ZNF831: variants seen among roughly 807,000 people sequenced by gnomAD.
ZNF831 encodes the protein zinc finger protein 831.
A neutral mutation model predicts 95.8 loss-of-function variants in ZNF831; 59 were observed. The observed-to-expected ratio is 0.62, with a 90% CI of 0.50 to 0.77. The LOEUF is 0.77. Ranked by LOEUF, ZNF831 falls within the 30% of genes least tolerant of loss-of-function variation. The probability of loss-of-function intolerance (pLI) is 0.00; values close to 1 mark genes in which losing one functional copy is unlikely to be tolerated. For synonymous variants in ZNF831, 961 were observed against 925.5 expected (o/e 1.04, Z -0.70); for missense variants, 2,205 against 2,164.0 (o/e 1.02, Z -0.38).
intron 1 of ZNF831, among the ~76,000 whole-genome samples, chr20:59,140,190 T>C (rs1487655346): frequency 6.6e-6 from 1 of 152,230 alleles, no homozygotes; most frequent in Non-Finnish European, 1.5e-5. Context: ...AGACTGCCCT[T>C]ATCACAAAGA....
At chr20:59,185,951 A>C (rs1237472950) in intron 1 of ZNF831, among the ~76,000 whole-genome samples, 1 of 152,174 alleles carries the variant, frequency 6.6e-6, no homozygotes, top group Admixed American at 6.5e-5. Context: ...CCGACTCAGC[A>C]TTTAAGAGCC....
intron 1 of ZNF831, among the ~76,000 whole-genome samples, chr20:59,183,399 T>G (rs1486753707): frequency 6.6e-6 from 1 of 152,184 alleles, no homozygotes; most frequent in Non-Finnish European, 1.5e-5. Flanking sequence ...GTTAGGCAGG[T>G]GCTTTTCAAA....
chr20:59,249,331 G>T (rs922018199), intron 4 of ZNF831, among the ~76,000 whole-genome samples: 4 of 151,952 alleles, frequency 2.6e-5, no homozygotes, highest in Non-Finnish European at 5.9e-5. Context: ...GTCTGGAATA[G>T]CCTCCTGTTA....
At chr20:59,250,680 G>T (rs1375777659) in intron 4 of ZNF831, among the ~76,000 whole-genome samples, 1 of 152,120 alleles carries the variant, frequency 6.6e-6, no homozygotes, top group East Asian at 1.9e-4. Flanking sequence ...ATTGCCGGGG[G>T]TAAAAGAGAG....
rs977322461 is a variant in ZNF831 at position 59,227,095 on chromosome 20, A to G, written c.4027+20039A>G. Among the ~76,000 whole-genome samples, 6 of 152,324 alleles carry G rather than the reference A, an allele frequency of 3.9e-5. No homozygotes were observed. The South Asian group carries it at 1.2e-3, about 32-fold the overall frequency. ...TATAATTGTATCCCAAATGCTCAAG[A>G]ATAATGACTAAATTTGTGTTAAAGG... On this transcript the variant is annotated intron_variant, in intron 4 of 5. Transcript: ENST00000371030.
chr20:59,233,744 C>T (rs555597514), intron 4 of ZNF831, among the ~76,000 whole-genome samples: 2 of 152,208 alleles, frequency 1.3e-5, no homozygotes, highest in African/African-American at 4.8e-5. Flanking sequence ...CTGCTTTATC[C>T]CAAACACATG....
chr20:59,157,406 G>C (rs1284430575), intron 2 of ZNF831, among the ~76,000 whole-genome samples: 1 of 152,222 alleles, frequency 6.6e-6, no homozygotes, highest in East Asian at 1.9e-4. Context: ...GCTGTGGATG[G>C]GATTCTGAAC....
rs369221793 is a variant in ZNF831 at position 59,255,875 on chromosome 20, C to T, written c.*1132C>T. 2.0e-5 allele frequency: 3 copies of T among 152,260 alleles called. No individual in the cohort carries two copies. The highest frequency in any genetic ancestry group is 3.9e-4 in the East Asian group (2 of 5,180). The allele number at this position is 152,260 out of a possible 1,614,324, so 9.4% of individuals were successfully genotyped here. On this transcript the variant is annotated 3_prime_UTR_variant, in exon 6 of 6. Coordinates refer to ENST00000371030, the MANE Select transcript of ZNF831 (RefSeq NM_178457.3). The stretch of plus-strand genomic sequence containing the variant: ...GAGAAAATTCCCCAGTATTCCAAGC[C>T]GGTGCGCCCCTGTGCAGAAGAAAAC...
chr20:59,161,386 T>A (rs1980854338), upstream of ZNF831, among the ~76,000 whole-genome samples: 1 of 152,130 alleles, frequency 6.6e-6, no homozygotes, highest in Non-Finnish European at 1.5e-5. Context: ...CAAGCTATTA[T>A]CCTGCCTCAG....
In ZNF831 at chr20:59,258,277, C is replaced by G. The variant is rs1988270732; in HGVS notation, c.*3534C>G. The G allele has an allele frequency of 6.6e-6, 1 of 152,556 alleles. No individual in the cohort carries two copies. The highest frequency in any genetic ancestry group is 1.5e-5 in the Non-Finnish European group (1 of 68,032). The allele number at this position is 152,556 out of a possible 1,614,324, so 9.5% of individuals were successfully genotyped here. On this transcript the variant is annotated 3_prime_UTR_variant, in exon 6 of 6. Transcript: ENST00000371030. ...AAGACAGACTTTTTCTTCCTGAAAT[C>G]ACTCTTCTAAAGCTGAGACCGGAAG...
intron 1 of ZNF831, among the ~76,000 whole-genome samples, chr20:59,167,285 G>GT (rs982899973): frequency 6.6e-6 from 1 of 150,794 alleles, no homozygotes; most frequent in African/African-American, 2.4e-5. Context: ...ATTGTTGTTG[G>GT]TTTTTTTTTA....
chr20:59,191,138 T>C lies in ZNF831; in HGVS notation c.119T>C (p.Val40Ala), dbSNP rs750788968. The C allele has an allele frequency of 1.6e-5, 26 of 1,600,398 alleles. No homozygotes were observed. The highest frequency in any genetic ancestry group is 2.2e-5 in the Non-Finnish European group (26 of 1,177,856). Reference protein sequence around the residue: ...QASPHLTLGPVLLPPEQGLAP... With the variant: ...QASPHLTLGPALLPPEQGLAP... The stretch of plus-strand genomic sequence containing the variant: ...TCACCTCACCTGACCCTGGGCCCTG[T>C]CCTTCTGCCGCCAGAGCAGGGCCTG... The change falls in exon 2 of 6, where the codon GTC becomes GCC. Residue 40 changes from valine (V) to alanine (A), a missense_variant. By Grantham distance (64) the Val-to-Ala change is moderately conservative. Transcript: ENST00000371030.
At chr20:59,167,861 A>G (rs545613853) in intron 1 of ZNF831, among the ~76,000 whole-genome samples, 3 of 152,218 alleles carry the variant, frequency 2.0e-5, no homozygotes, top group East Asian at 3.9e-4. Flanking sequence ...GTGACAGAGC[A>G]AGACTCCATC....
chr20:59,242,698 A>C (rs1365063594), intron 4 of ZNF831, among the ~76,000 whole-genome samples: 4 of 152,358 alleles, frequency 2.6e-5, no homozygotes, highest in South Asian at 4.1e-4. Flanking sequence ...AAAAAATTGC[A>C]CTAGGAAAGA....
intron 1 of ZNF831, among the ~76,000 whole-genome samples, chr20:59,145,591 C>A (rs62204008): frequency 1.3e-5 from 2 of 152,182 alleles, no homozygotes; most frequent in Non-Finnish European, 2.9e-5. Context: ...GACACCTCAC[C>A]CCACTTTGTG....
intron 2 of ZNF831, among the ~76,000 whole-genome samples, chr20:59,156,225 C>G (rs1413270618): frequency 6.6e-6 from 1 of 152,208 alleles, no homozygotes; most frequent in African/African-American, 2.4e-5. Flanking sequence ...CTATGATCTA[C>G]TGTCTTAGAA....
At chr20:59,227,035 A>G (rs900072490) in intron 4 of ZNF831, among the ~76,000 whole-genome samples, 1 of 152,200 alleles carries the variant, frequency 6.6e-6, no homozygotes, top group Non-Finnish European at 1.5e-5. Flanking sequence ...ATCAGTCTTT[A>G]AGAGACTTGT....
At chr20:59,150,352 G>A (rs1405841589) in intron 2 of ZNF831, among the ~76,000 whole-genome samples, 1 of 152,150 alleles carries the variant, frequency 6.6e-6, no homozygotes, top group East Asian at 1.9e-4. Flanking sequence ...GAAACCAGTG[G>A]ACCTCGGGTC....
chr20:59,158,824 A>G (rs1411571434), upstream of ZNF831, among the ~76,000 whole-genome samples: 1 of 152,160 alleles, frequency 6.6e-6, no homozygotes, highest in Admixed American at 6.5e-5. Context: ...AAATTCCCAC[A>G]TCCCTTCAGC....
Sources: gnomAD v4.1 joint callset for allele counts (sites outside exome capture counted in the v4.1 genomes callset) on GRCh38, gnomAD v4.1.1 for gene constraint, MANE v1.5 for transcripts, NCBI Gene and HGNC (gene_info 2026-07-23, HGNC 2026-07-21) for gene names.